Variants in PLEKHB2 observed in about 807,000 individuals in gnomAD.
PLEKHB2 encodes pleckstrin homology domain containing B2.
Under a neutral mutation model 36.5 loss-of-function variants are expected in PLEKHB2, and 31 were observed. That is an observed-to-expected ratio of 0.85 (90% CI 0.64 to 1.15). PLEKHB2 has a LOEUF of 1.15. PLEKHB2 is among the 50% of genes most tolerant of loss of function. PLEKHB2 has a pLI of 0.00. For synonymous variants in PLEKHB2, 119 were observed against 112.0 expected (o/e 1.06, Z -0.39); for missense variants, 262 against 295.3 (o/e 0.89, Z 0.83).
chr2:131,132,523 C>CCA (rs1309323623), intron 5 of PLEKHB2, among the ~76,000 whole-genome samples: 3 of 152,118 alleles, frequency 2.0e-5, no homozygotes, highest in African/African-American at 7.2e-5. Context: ...GGCCTTGGAA[C>CCA]TCCTGGGCTC....
At chr2:131,138,047 A>G (rs1044440587) in intron 6 of PLEKHB2, among the ~76,000 whole-genome samples, 7 of 98,144 alleles carry the variant, frequency 7.1e-5, no homozygotes, top group South Asian at 3.0e-4. Context: ...ACTTCAATCT[A>G]TTGTTCCTCT....
chr2:131,140,048 T>G, intron 6 of PLEKHB2, 119 bp from the exon 7 acceptor site: 1 of 619,306 alleles, frequency 1.6e-6, no homozygotes, highest in Non-Finnish European at 2.9e-6. Flanking sequence ...TGTTTCATGT[T>G]TTGTTTTGTT....
At position 131,120,992 on chromosome 2, in the gene PLEKHB2, G is replaced by A; in HGVS notation, c.37+14G>A. On this transcript the variant is annotated intron_variant, in intron 2 of 7. Coordinates refer to ENST00000693505, the MANE Select transcript of PLEKHB2 (RefSeq NM_001100623.2). ...TGCTGCGACAGAGTGAGTACAGGATGTGCGGTCTGCGATCGGCATTGCCGA... is the reference window on the plus strand; with the variant it reads ...TGCTGCGACAGAGTGAGTACAGGATATGCGGTCTGCGATCGGCATTGCCGA... The A allele has an allele frequency of 5.0e-6, 8 of 1,613,318 alleles. No individual in the cohort carries two copies. The highest frequency in any genetic ancestry group is 5.9e-6 in the Non-Finnish European group (7 of 1,179,294).
At position 131,129,199 on chromosome 2, in the gene PLEKHB2, C is replaced by T. The variant is rs529856588; in HGVS notation, c.294-1522C>T. ...AATTAGCCAGGCGTGGTGGCAGGCA[C>T]CTGTAATCCCAGCTACTTGGGAGGC... On this transcript the variant is annotated intron_variant, in intron 4 of 7. Coordinates refer to ENST00000693505, the MANE Select transcript of PLEKHB2 (RefSeq NM_001100623.2). Among the ~76,000 whole-genome samples, 4 of 151,746 alleles carry T rather than the reference C, an allele frequency of 2.6e-5. No individual in the cohort carries two copies. The East Asian group carries it at 7.8e-4, about 30-fold the overall frequency.
At chr2:131,114,911 A>C (rs1312830534) in intron 1 of PLEKHB2, among the ~76,000 whole-genome samples, 2 of 152,206 alleles carry the variant, frequency 1.3e-5, no homozygotes, top group African/African-American at 4.8e-5. Context: ...ACCTGTTTCC[A>C]AAGTTGCTTC....
intron 1 of PLEKHB2, among the ~76,000 whole-genome samples, chr2:131,115,580 C>T (rs1376658245): frequency 6.6e-6 from 1 of 151,962 alleles, no homozygotes; most frequent in African/African-American, 2.4e-5. Context: ...GTCTCGATCT[C>T]TTGATCTCGT....
chr2:131,127,631 C>T (rs1344583739), intron 4 of PLEKHB2, among the ~76,000 whole-genome samples: 1 of 152,156 alleles, frequency 6.6e-6, no homozygotes, highest in South Asian at 2.1e-4. Context: ...GAGGGGAAAA[C>T]ATTTCAATGG....
At chr2:131,119,811 A>G (rs1173142472) in intron 1 of PLEKHB2, among the ~76,000 whole-genome samples, 2 of 151,930 alleles carry the variant, frequency 1.3e-5, no homozygotes, top group African/African-American at 4.8e-5. Flanking sequence ...TTGAGTGGGA[A>G]ATTCAGTGTC....
chr2:131,119,894 TATG>T (rs776952491), intron 1 of PLEKHB2, among the ~76,000 whole-genome samples: 23 of 152,134 alleles, frequency 1.5e-4, no homozygotes, highest in Non-Finnish European at 8.8e-5. Context: ...GCCTTTTCTG[TATG>T]ATATGTGTGA....
intron 1 of PLEKHB2, chr2:131,118,897 A>G (rs1696170840): frequency 7.4e-6 from 1 of 134,576 alleles, no homozygotes; most frequent in African/African-American, 2.6e-5. Flanking sequence ...AAAAAAAAAA[A>G]AGCTAAAGCA....
chr2:131,109,894 C>T (rs374079341), intron 1 of PLEKHB2, among the ~76,000 whole-genome samples: 1 of 152,076 alleles, frequency 6.6e-6, no homozygotes, highest in Non-Finnish European at 1.5e-5. Flanking sequence ...GCAAGTGGAT[C>T]ATGAGGTCAG....
chr2:131,132,523 C>T (rs1573598194), intron 5 of PLEKHB2, among the ~76,000 whole-genome samples: 1 of 152,238 alleles, frequency 6.6e-6, no homozygotes, highest in Non-Finnish European at 1.5e-5. Flanking sequence ...GGCCTTGGAA[C>T]TCCTGGGCTC....
chr2:131,126,817 A>T (rs1189876739), intron 4 of PLEKHB2, 31 bp downstream of exon 4: 4 of 1,244,732 alleles, frequency 3.2e-6, no homozygotes, highest in Non-Finnish European at 4.7e-6. Flanking sequence ...TGTTTAATTT[A>T]AAAAGTATTT....
At chr2:131,130,314 G>T (rs1392539421) in intron 4 of PLEKHB2, among the ~76,000 whole-genome samples, 1 of 152,174 alleles carries the variant, frequency 6.6e-6, no homozygotes, top group Non-Finnish European at 1.5e-5. Context: ...ATAGTGCTGG[G>T]ATTACAGGTA....
At chr2:131,119,220 C>T (rs1696209451) in intron 1 of PLEKHB2, among the ~76,000 whole-genome samples, 1 of 152,090 alleles carries the variant, frequency 6.6e-6, no homozygotes, top group Middle Eastern at 3.2e-3. Flanking sequence ...CGCGCCACTG[C>T]ACTCCAGCCT....
chr2:131,134,565 C>T (rs1040574555), intron 6 of PLEKHB2, among the ~76,000 whole-genome samples: 13 of 152,140 alleles, frequency 8.5e-5, no homozygotes, highest in Non-Finnish European at 1.9e-4. Context: ...CTGTGGTCTG[C>T]TCCATTGTTC....
chr2:131,144,561 CTTTA>C (rs949188828), intron 7 of PLEKHB2: 8 of 422,164 alleles, frequency 1.9e-5, no homozygotes, highest in East Asian at 3.7e-5. Flanking sequence ...AGTAACCTTC[CTTTA>C]TTTAGTTTTT....
rs1207971061 is a variant in PLEKHB2 at position 131,147,350 on chromosome 2, CCTTTGAACAATCATG to C, written c.*581_*595del. 1 of 152,362 alleles carries C rather than the reference CCTTTGAACAATCATG, an allele frequency of 6.6e-6. No individual in the cohort carries two copies. Among genetic ancestry groups the C allele is most frequent in the African/African-American group, 2.4e-5 (1 of 41,470 alleles). The allele number at this position is 152,362 out of a possible 1,614,324, so 9.4% of individuals were successfully genotyped here. On this transcript the variant is annotated 3_prime_UTR_variant, in exon 8 of 8. Transcript: ENST00000693505. Reference sequence around the variant, plus strand: ...GCTCAGGATGATGGGGCACAGCCCGCCTTTGAACAATCATGCTTCAGAAATCTGCCTGACCCTAGC... The same window carrying C: ...GCTCAGGATGATGGGGCACAGCCCGCCTTCAGAAATCTGCCTGACCCTAGC...
rs1179533654 is a variant in PLEKHB2, at chr2:131,115,341, C to CTTT, written c.-8-5564_-8-5562dup. Among the ~76,000 whole-genome samples, 523 of 64,582 alleles carry CTTT rather than the reference C, an allele frequency of 8.1e-3. 61 individuals carry two copies. Among genetic ancestry groups the CTTT allele is most frequent in the African/African-American group, 9.5e-3 (163 of 17,130 alleles). The allele number at this position is 64,582 out of a possible 152,430, so 42.4% of individuals were successfully genotyped here. A position where few individuals can be genotyped will look rare whatever the true frequency, so the allele number is the denominator to read the frequency against. On this transcript the variant is annotated intron_variant, in intron 1 of 7. Coordinates refer to ENST00000693505, the MANE Select transcript of PLEKHB2 (RefSeq NM_001100623.2). Reference sequence around the variant, plus strand: ...GCCAAACCATTATCAGAAAGTATGTCTTTTTTTTTTTTTTTTTTTTTTTTT... The same window carrying CTTT: ...GCCAAACCATTATCAGAAAGTATGTCTTTTTTTTTTTTTTTTTTTTTTTTTTTT...
Sources: gnomAD v4.1 joint callset for allele counts (sites outside exome capture counted in the v4.1 genomes callset) on GRCh38, gnomAD v4.1.1 for gene constraint, MANE v1.5 for transcripts, NCBI Gene and HGNC (gene_info 2026-07-23, HGNC 2026-07-21) for gene names.